Variants in COL21A1 observed in about 807,000 individuals in gnomAD.
COL21A1 encodes the protein collagen type XXI alpha 1 chain, also known as collagen alpha-1(XXI) chain.
COL21A1 carries 149 observed loss-of-function variants against 137.9 expected under a neutral mutation model. The ratio of observed to expected loss-of-function variants is 1.08; its 90% CI spans 0.95 to 1.24. The LOEUF (loss-of-function observed/expected upper bound fraction) is 1.24, where lower values mean the gene tolerates loss of function less well. Ranked by LOEUF, COL21A1 falls within the 50% of genes most tolerant of loss-of-function variation. The probability of loss-of-function intolerance (pLI) is 0.00; values close to 1 mark genes in which losing one functional copy is unlikely to be tolerated. For missense variants in COL21A1, 1,167 were observed against 1,158.4 expected (o/e 1.01, Z -0.11); for synonymous variants, 456 against 391.5 (o/e 1.16, Z -1.95).
intron 1 of COL21A1, among the ~76,000 whole-genome samples, chr6:56,235,340 A>G (rs1781832181): frequency 6.6e-6 from 1 of 151,932 alleles, no homozygotes; most frequent in Admixed American, 6.6e-5. Flanking sequence ...CAGATTGTGT[A>G]TGCACATTTG....
At chr6:56,163,638 G>A (rs1165637919) in intron 9 of COL21A1, among the ~76,000 whole-genome samples, 2 of 151,684 alleles carry the variant, frequency 1.3e-5, no homozygotes, top group Admixed American at 6.6e-5. Flanking sequence ...GAACCCGGGA[G>A]GCGGAGCTTG....
chr6:56,066,404 A>G (rs1370388317), intron 23 of COL21A1, among the ~76,000 whole-genome samples: 1 of 151,904 alleles, frequency 6.6e-6, no homozygotes, highest in Non-Finnish European at 1.5e-5. Context: ...CAGAAATTCT[A>G]CAGCATTCAG....
intron 1 of COL21A1, among the ~76,000 whole-genome samples, chr6:56,331,166 T>C (rs1373328229): frequency 1.3e-5 from 2 of 152,102 alleles, no homozygotes; most frequent in Admixed American, 1.3e-4. Flanking sequence ...TCTTGTTGGA[T>C]TGTTTGAGTT....
intron 1 of COL21A1, among the ~76,000 whole-genome samples, chr6:56,288,412 A>T (rs1763964703): frequency 1.3e-5 from 2 of 152,058 alleles, no homozygotes; most frequent in Admixed American, 6.5e-5. Context: ...AATTATAGCG[A>T]AATCATAAAA....
At chr6:56,259,245 G>A (rs1371997729) in intron 1 of COL21A1, among the ~76,000 whole-genome samples, 3 of 152,116 alleles carry the variant, frequency 2.0e-5, no homozygotes, top group Admixed American at 2.0e-4. Context: ...TCCTGGCCTG[G>A]AGTTTACTGC....
intron 1 of COL21A1, among the ~76,000 whole-genome samples, chr6:56,290,940 GA>G (rs1764027238): frequency 6.6e-6 from 1 of 152,108 alleles, no homozygotes; most frequent in South Asian, 2.1e-4. Context: ...GCCAAATATC[GA>G]GAACCACTTC....
intron 16 of COL21A1, among the ~76,000 whole-genome samples, chr6:56,119,012 A>C (rs1368886935): frequency 6.6e-6 from 1 of 152,106 alleles, no homozygotes; most frequent in African/African-American, 2.4e-5. Flanking sequence ...TTCCTGTAAG[A>C]TCTGAAACAT....
chr6:56,079,606 T>G lies in COL21A1; in HGVS notation c.1813-2033A>C, dbSNP rs531134954. ...GGATTTGATCTGACACTCTTTTATCTGAGACACTCTAATACTGAGCTTGGT... is the reference window on the plus strand; with the variant it reads ...GGATTTGATCTGACACTCTTTTATCGGAGACACTCTAATACTGAGCTTGGT... On this transcript the variant is annotated intron_variant, in intron 17 of 29. Transcript: ENST00000244728. Among the ~76,000 whole-genome samples, 8 of 151,762 alleles carry G rather than the reference T, an allele frequency of 5.3e-5. No homozygotes were observed. In the South Asian group the frequency reaches 1.7e-3, roughly 31 times the overall value.
At position 56,181,835 on chromosome 6, in the gene COL21A1, G is replaced by GA. The variant is rs573655051; in HGVS notation, c.88+695dup. On this transcript the variant is annotated intron_variant, in intron 2 of 29. Transcript: ENST00000244728. ...TATTAAAATCCCGTTTTCCACCCAA[G>GA]AAAAAAACAAAGGAAAGGGCATCCA... Among the ~76,000 whole-genome samples, 493 of 151,898 alleles carry GA rather than the reference G, an allele frequency of 3.2e-3. 1 individual carries two copies. Among genetic ancestry groups the GA allele is most frequent in the African/African-American group, 0.011 (441 of 41,416 alleles).
chr6:56,175,792 T>C (rs1777422936), intron 3 of COL21A1, among the ~76,000 whole-genome samples: 2 of 152,156 alleles, frequency 1.3e-5, no homozygotes. Context: ...CTAAAATTTA[T>C]ATGAAACCTC....
At chr6:56,327,135 T>A (rs1021297697) in intron 1 of COL21A1, among the ~76,000 whole-genome samples, 3 of 110,298 alleles carry the variant, frequency 2.7e-5, no homozygotes, top group Non-Finnish European at 5.5e-5. Flanking sequence ...CTATTAATAT[T>A]ATATATTGTC....
At chr6:56,060,521 AAAT>A (rs1373889475) in intron 27 of COL21A1, 3 of 488,460 alleles carry the variant, frequency 6.1e-6, no homozygotes, top group Non-Finnish European at 1.1e-5. Context: ...AAGAAAATTC[AAAT>A]AATGGCAAAA....
intron 1 of COL21A1, among the ~76,000 whole-genome samples, chr6:56,308,964 G>A (rs1405398762): frequency 6.6e-6 from 1 of 152,076 alleles, no homozygotes; most frequent in Non-Finnish European, 1.5e-5. Flanking sequence ...TAGTCAGGAT[G>A]GAGGGCAGAA....
intron 1 of COL21A1, among the ~76,000 whole-genome samples, chr6:56,337,462 T>A (rs1222602865): frequency 6.9e-6 from 1 of 143,956 alleles, no homozygotes. Context: ...ACTATCATGA[T>A]CAAAATGCTT....
At chr6:56,390,535 C>CACACAT (rs60083356) in intron 1 of COL21A1, among the ~76,000 whole-genome samples, 1 of 148,838 alleles carries the variant, frequency 6.7e-6, no homozygotes, top group Admixed American at 6.7e-5. Context: ...CACACACACA[C>CACACAT]GACCCTACTA....
At chr6:56,080,926 TA>T (rs1271772088) in intron 17 of COL21A1, among the ~76,000 whole-genome samples, 1 of 151,766 alleles carries the variant, frequency 6.6e-6, no homozygotes, top group East Asian at 1.9e-4. Context: ...AGGAAGCAGC[TA>T]AAAAATAGAT....
chr6:56,304,590 A>G (rs9475659), intron 1 of COL21A1, among the ~76,000 whole-genome samples: 112,454 of 150,878 alleles, frequency 0.75, 43,532 homozygotes, highest in South Asian at 0.88. Flanking sequence ...CCCCTTTATC[A>G]TTTTTTATTG....
At chr6:56,179,449 A>G in intron 3 of COL21A1, 129 bp downstream of exon 3, 1 of 677,400 alleles carries the variant, frequency 1.5e-6, no homozygotes, top group South Asian at 2.2e-5. Flanking sequence ...AACATTATAA[A>G]TGTTGTAACA....
At chr6:56,239,412 G>A (rs1038462958) in intron 1 of COL21A1, among the ~76,000 whole-genome samples, 1 of 152,000 alleles carries the variant, frequency 6.6e-6, no homozygotes, top group Non-Finnish European at 1.5e-5. Flanking sequence ...AAATACACAT[G>A]AGAAAACAAA....
Sources: gnomAD v4.1 joint callset for allele counts (sites outside exome capture counted in the v4.1 genomes callset) on GRCh38, gnomAD v4.1.1 for gene constraint, MANE v1.5 for transcripts, NCBI Gene and HGNC (gene_info 2026-07-23, HGNC 2026-07-21) for gene names.